Variants in BCAS3 observed in about 807,000 individuals in gnomAD.
BCAS3 encodes the protein BCAS4/BCAS3 fusion.
In BCAS3, 53 loss-of-function variants were observed where a neutral mutation model predicts 116.1. The observed-to-expected ratio is 0.46, with a 90% CI of 0.37 to 0.57. The LOEUF is 0.57. Ranked by LOEUF, BCAS3 falls within the 20% of genes least tolerant of loss-of-function variation. The probability of loss-of-function intolerance (pLI) is 0.00; values close to 1 mark genes in which losing one functional copy is unlikely to be tolerated. For missense variants in BCAS3, 917 were observed against 1,165.4 expected (o/e 0.79, Z 3.10); for synonymous variants, 391 against 408.2 (o/e 0.96, Z 0.51).
At chr17:60,772,061 G>A (rs1189850898) in intron 6 of BCAS3, among the ~76,000 whole-genome samples, 7 of 152,126 alleles carry the variant, frequency 4.6e-5, no homozygotes, top group South Asian at 2.1e-4. Flanking sequence ...AATCCTTTGG[G>A]TATATACCCA....
chr17:60,891,814 C>G (rs186656445), intron 10 of BCAS3: 290 of 449,644 alleles, frequency 6.4e-4, no homozygotes, highest in Middle Eastern at 3.3e-3. Context: ...TTCCCTCCCC[C>G]TTTTGGAGTC....
At chr17:61,170,555 G>C (rs919776507) in intron 22 of BCAS3, among the ~76,000 whole-genome samples, 5 of 151,840 alleles carry the variant, frequency 3.3e-5, no homozygotes, top group Non-Finnish European at 4.4e-5. Context: ...GCCTCCCAAA[G>C]TGCTGGGATT....
At chr17:61,275,043 G>A (rs1300978341) in intron 22 of BCAS3, among the ~76,000 whole-genome samples, 1 of 151,912 alleles carries the variant, frequency 6.6e-6, no homozygotes, top group African/African-American at 2.4e-5. Flanking sequence ...GTAGAGATGG[G>A]GTCTCAGCAT....
rs2057595305 is a variant in BCAS3, at chr17:61,347,856, G to A, written c.2426-20471G>A. 6.6e-6 allele frequency among the ~76,000 whole-genome samples: 1 copy of A among 152,206 alleles called. No individual in the cohort carries two copies. The highest frequency in any genetic ancestry group is 1.5e-5 in the Non-Finnish European group (1 of 68,034). ...GAAGGCATTCCAGGCAGAGGGAGCA[G>A]CAGATGCACAGACACAGGGGCAAGG... is the stretch of plus-strand genomic sequence containing the variant. On this transcript the variant is annotated intron_variant, in intron 22 of 23. Coordinates refer to ENST00000407086, the MANE Select transcript of BCAS3 (RefSeq NM_017679.5). The surrounding 1 kb of genome is among the most constrained non-coding windows in gnomAD (Gnocchi z 4.3).
chr17:61,229,182 A>G lies in BCAS3; in HGVS notation c.2426-139145A>G, dbSNP rs1411494853. 1.3e-5 allele frequency among the ~76,000 whole-genome samples: 2 copies of G among 152,202 alleles called. No homozygotes were observed. The highest frequency in any genetic ancestry group is 2.9e-5 in the Non-Finnish European group (2 of 68,040). On this transcript the variant is annotated intron_variant, in intron 22 of 23. Transcript: ENST00000407086. The surrounding 1 kb of genome is among the most constrained non-coding windows in gnomAD (Gnocchi z 4.4). ...ATGTGAGCCACCGCACCTGGCCACC[A>G]CCACATTCCTTTAAGCCAAAGCCTA...
At chr17:60,912,854 C>T (rs1213061484) in intron 12 of BCAS3, among the ~76,000 whole-genome samples, 1 of 152,030 alleles carries the variant, frequency 6.6e-6, no homozygotes, top group Non-Finnish European at 1.5e-5. Flanking sequence ...TAGGACCATA[C>T]ATCTGTTAAA....
At chr17:61,111,600 C>A (rs960353393) in intron 22 of BCAS3, among the ~76,000 whole-genome samples, 3 of 150,142 alleles carry the variant, frequency 2.0e-5, no homozygotes, top group African/African-American at 7.3e-5. Context: ...AAGACCAAAT[C>A]TACGTCTGAT....
At position 61,215,906 on chromosome 17, in the gene BCAS3, TAGTC is replaced by T. The variant is rs2081757018; in HGVS notation, c.2425+131345_2425+131348del. On this transcript the variant is annotated intron_variant, in intron 22 of 23. Transcript: ENST00000407086. This position sits in a 1 kb window ranked among gnomAD's most constrained non-coding sequence, Gnocchi z 4.8. ...CAGCCAGATTTGAAAACCTTTGTCT[TAGTC>T]AGATCTCTGTGCTTTTCAGGATATA... 1.3e-5 allele frequency among the ~76,000 whole-genome samples: 2 copies of T among 152,200 alleles called. 1 individual carries two copies. Among genetic ancestry groups the T allele is most frequent in the Admixed American group, 1.3e-4 (2 of 15,278 alleles).
At position 61,365,689 on chromosome 17, in the gene BCAS3, C is replaced by T. The variant is rs1186588841; in HGVS notation, c.2426-2638C>T. ...TGGCTTTTGATATTCCTCTTGGTCC[C>T]GCTGTCACCCCACCTGCCTTGACCT... On this transcript the variant is annotated intron_variant, in intron 22 of 23. Transcript: ENST00000407086. This position sits in a 1 kb window ranked among gnomAD's most constrained non-coding sequence, Gnocchi z 4.6. Among the ~76,000 whole-genome samples, 14 of 152,090 alleles carry T rather than the reference C, an allele frequency of 9.2e-5. No individual in the cohort carries two copies. Among genetic ancestry groups the T allele is most frequent in the Admixed American group, 9.2e-4 (14 of 15,262 alleles).
In BCAS3 at chr17:61,219,827, G is replaced by A. The variant is rs1209315711; in HGVS notation, c.2425+135263G>A. ...GGACTTGAATTCCAGAGATGAGATT[G>A]TGTAACATAAAAAAGGAAAGGTCTT... On this transcript the variant is annotated intron_variant, in intron 22 of 23. Transcript: ENST00000407086. This position sits in a 1 kb window ranked among gnomAD's most constrained non-coding sequence, Gnocchi z 5.2. 2.0e-5 allele frequency among the ~76,000 whole-genome samples: 3 copies of A among 152,134 alleles called. No individual in the cohort carries two copies. The highest frequency in any genetic ancestry group is 6.5e-5 in the Admixed American group (1 of 15,272).
intron 22 of BCAS3, among the ~76,000 whole-genome samples, chr17:61,253,426 T>C (rs936769820): frequency 6.6e-6 from 1 of 151,902 alleles, no homozygotes; most frequent in Non-Finnish European, 1.5e-5. Flanking sequence ...ATGTGTAACA[T>C]TTACAGTGCC....
chr17:60,808,107 C>A, intron 7 of BCAS3, 31 bp downstream of exon 7: 1 of 1,409,156 alleles, frequency 7.1e-7, no homozygotes, highest in Non-Finnish European at 9.9e-7. Flanking sequence ...CTTTGTATCA[C>A]CTATTACAAA....
rs184881748 is a variant in BCAS3, at chr17:60,982,925, A to G, written c.1222-7046A>G. Among the ~76,000 whole-genome samples the G allele has an allele frequency of 1.5e-3, 221 of 152,244 alleles. 1 individual carries two copies. The highest frequency in any genetic ancestry group is 0.014 in the Middle Eastern group (4 of 294). On this transcript the variant is annotated intron_variant, in intron 14 of 23. Transcript: ENST00000407086. ...CACAAACATTTTCTGTGTCAGTTCT[A>G]TAGGATTCTGAAATGTGGCCAACCA...
In BCAS3 at chr17:61,124,792, G is replaced by A. The variant is rs2075970183; in HGVS notation, c.2425+40228G>A. Among the ~76,000 whole-genome samples, 1 of 152,166 alleles carries A rather than the reference G, an allele frequency of 6.6e-6. No individual in the cohort carries two copies. ...AGCAGGTAATTTCCTGAGCTGTATG[G>A]TACAGATGATTTTCTGTGTTAGAAG... On this transcript the variant is annotated intron_variant, in intron 22 of 23. Transcript: ENST00000407086. This position sits in a 1 kb window ranked among gnomAD's most constrained non-coding sequence, Gnocchi z 4.6.
At chr17:61,216,725 G>A (rs2081817338) in intron 22 of BCAS3, among the ~76,000 whole-genome samples, 1 of 151,060 alleles carries the variant, frequency 6.6e-6, no homozygotes, top group Non-Finnish European at 1.5e-5. Flanking sequence ...TGTATTTTTA[G>A]TAGAGACGGG....
At chr17:60,884,420 G>A (rs1274414008) in intron 9 of BCAS3, among the ~76,000 whole-genome samples, 24 of 97,788 alleles carry the variant, frequency 2.5e-4, no homozygotes, top group Non-Finnish European at 3.9e-5. Context: ...ATTTTTTGAA[G>A]GGTTTTTTGT....
intron 6 of BCAS3, among the ~76,000 whole-genome samples, chr17:60,801,990 A>C (rs749607928): frequency 6.6e-6 from 1 of 151,960 alleles, no homozygotes; most frequent in Non-Finnish European, 1.5e-5. Context: ...CTCTCTGGGA[A>C]ATTTTCTTAA....
chr17:61,289,540 A>G (rs886651123), intron 22 of BCAS3, among the ~76,000 whole-genome samples: 1 of 152,132 alleles, frequency 6.6e-6, no homozygotes, highest in Non-Finnish European at 1.5e-5. Flanking sequence ...GTGTGGAGTA[A>G]GAGGGACGCC....
intron 7 of BCAS3, among the ~76,000 whole-genome samples, chr17:60,857,883 T>C (rs901304922): frequency 6.6e-6 from 1 of 152,220 alleles, no homozygotes; most frequent in Non-Finnish European, 1.5e-5. Flanking sequence ...TGTTCAGTTA[T>C]CTATAAACTG....
Sources: gnomAD v4.1 joint callset for allele counts (sites outside exome capture counted in the v4.1 genomes callset) on GRCh38, gnomAD v4.1.1 for gene constraint, Gnocchi (gnomAD v3.1) non-coding constraint, MANE v1.5 for transcripts, NCBI Gene and HGNC (gene_info 2026-07-23, HGNC 2026-07-21) for gene names.